LNX1: variants seen among roughly 807,000 people sequenced by gnomAD.
LNX1 encodes E3 ubiquitin-protein ligase LNX.
Under a neutral mutation model 68.4 loss-of-function variants are expected in LNX1, and 54 were observed. The observed-to-expected ratio is 0.79, with a 90% CI of 0.63 to 0.99. The LOEUF is 0.99. Among genes scored for constraint, LNX1 ranks in the 50% least tolerant of loss-of-function variants. The probability of loss-of-function intolerance (pLI) is 0.00; values close to 1 mark genes in which losing one functional copy is unlikely to be tolerated. For missense variants in LNX1, 906 were observed against 926.4 expected, an observed-to-expected ratio of 0.98 and a Z score of 0.29; for synonymous variants, 336 against 350.0, an observed-to-expected ratio of 0.96 and a Z score of 0.45.
intron 1 of LNX1, chr4:53,576,360 G>T: frequency 6.3e-7 from 1 of 1,599,684 alleles, no homozygotes; most frequent in Non-Finnish European, 8.5e-7. Context: ...ATCTGGAGAA[G>T]AGGTGTGAGG....
At chr4:53,510,875 C>A (rs1168841720) in intron 2 of LNX1, among the ~76,000 whole-genome samples, 3 of 152,194 alleles carry the variant, frequency 2.0e-5, no homozygotes, top group Admixed American at 6.5e-5. Context: ...GAGGACACAG[C>A]ATGTCCTAGT....
At chr4:53,468,556 T>C (rs544139757) in intron 9 of LNX1, among the ~76,000 whole-genome samples, 12 of 152,044 alleles carry the variant, frequency 7.9e-5, no homozygotes, top group Admixed American at 2.0e-4. Flanking sequence ...GCAAACTGGA[T>C]AAAGTCAAGA....
intron 1 of LNX1, among the ~76,000 whole-genome samples, chr4:53,630,902 T>C (rs763608857): frequency 6.6e-6 from 1 of 152,166 alleles, no homozygotes; most frequent in Non-Finnish European, 1.5e-5. Context: ...GCTTTTAGAA[T>C]TTGGGAAGGG....
chr4:53,524,933 T>C (rs1727502525), intron 2 of LNX1, among the ~76,000 whole-genome samples: 1 of 152,204 alleles, frequency 6.6e-6, no homozygotes, highest in African/African-American at 2.4e-5. Flanking sequence ...GGGTGCTTTC[T>C]TCTAATGTAC....
At chr4:53,584,706 T>C (rs531754086) in intron 1 of LNX1, among the ~76,000 whole-genome samples, 6 of 152,320 alleles carry the variant, frequency 3.9e-5, no homozygotes, top group African/African-American at 1.2e-4. Flanking sequence ...TTAGAAGTCA[T>C]AGGATTTTGA....
Position 53,573,771 on chromosome 4 carries a change from C to T in LNX1, c.232G>A (p.Asp78Asn), listed in dbSNP as rs757341002. The T allele has an allele frequency of 1.2e-6, 2 of 1,611,930 alleles. No individual in the cohort carries two copies. Among genetic ancestry groups the T allele is most frequent in the Non-Finnish European group, 1.7e-6 (2 of 1,179,056 alleles). ...FLVEKDFCPM[D>N]RKPLVLQHCK... is the part of the protein sequence containing the mutation. ...TGCTGCAGAACCAGAGGCTTGCGGT[C>T]CATGGGACAGAAGTCCTTCTCCACC... The change falls in exon 2 of 11, where the codon GAC (aspartate) becomes AAC (asparagine). Residue 78 changes from aspartate to asparagine, a missense_variant. Asp to Asn is a conservative substitution (Grantham distance 23, BLOSUM62 1). Transcript: ENST00000263925.
At chr4:53,564,688 A>C (rs371839280) in intron 2 of LNX1, among the ~76,000 whole-genome samples, 2 of 152,020 alleles carry the variant, frequency 1.3e-5, no homozygotes, top group South Asian at 2.1e-4. Context: ...TCCCAGCCTG[A>C]GCGACACAGA....
intron 2 of LNX1, chr4:53,558,096 A>G: frequency 6.7e-7 from 1 of 1,482,874 alleles, no homozygotes. Context: ...TTGACTGAGA[A>G]CCTTCAGATT....
intron 2 of LNX1, among the ~76,000 whole-genome samples, chr4:53,608,223 C>A (rs144331117): frequency 1.0e-3 from 152 of 152,222 alleles, no homozygotes; most frequent in African/African-American, 3.4e-3. Context: ...GTGCATCCTA[C>A]AAATGTCTAA....
rs1463702603 is a variant in LNX1, at chr4:53,492,551, C to T, written c.1350+3472G>A. Among the ~76,000 whole-genome samples, 3 of 24,458 alleles carry T rather than the reference C, an allele frequency of 1.2e-4. No individual in the cohort carries two copies. The South Asian group carries it at 2.6e-3, about 21-fold the overall frequency. 16.0% of individuals were successfully genotyped at this position (24,458 alleles called of 152,430 possible). A position where few individuals can be genotyped will look rare whatever the true frequency, so the allele number is the denominator to read the frequency against. On this transcript the variant is annotated intron_variant, in intron 6 of 10. Transcript: ENST00000263925. ...AGAGAGAGAGAGAGAGAGTGGCATC[C>T]TGACTGGAGTGGTTTGGTAAAGAGC...
Position 53,573,894 on chromosome 4 carries a change from C to T in LNX1, c.109G>A (p.Asp37Asn), listed in dbSNP as rs753854142. Residue 37 changes from aspartate (D) to asparagine (N), a missense_variant, in exon 2 of 11, where the codon GAT becomes AAT. Asp to Asn is a conservative substitution (Grantham distance 23). Transcript: ENST00000263925. ...HFYSYPEEVD[D>N]DLICHICLQA... The stretch of plus-strand genomic sequence containing the variant: ...AGGCAGATGTGGCAGATGAGGTCAT[C>T]ATCCACTTCCTCTGGATAGCTGTAG... The T allele has an allele frequency of 6.2e-7, 1 of 1,613,782 alleles. No individual in the cohort carries two copies. The highest frequency in any genetic ancestry group is 8.5e-7 in the Non-Finnish European group (1 of 1,179,820).
chr4:53,471,479 A>G (rs1723180096), intron 9 of LNX1, among the ~76,000 whole-genome samples: 1 of 152,220 alleles, frequency 6.6e-6, no homozygotes, highest in Non-Finnish European at 1.5e-5. Flanking sequence ...ACAAAAGCCA[A>G]AATTGACAAA....
intron 1 of LNX1, among the ~76,000 whole-genome samples, chr4:53,650,467 T>G (rs1735054383): frequency 6.6e-6 from 1 of 152,156 alleles, no homozygotes; most frequent in South Asian, 2.1e-4. Context: ...GGGAGCCGGC[T>G]TCTGATGAAT....
rs539431976 is a variant in LNX1, at chr4:53,504,240, G to A, written c.775+3077C>T. Among the ~76,000 whole-genome samples the A allele has an allele frequency of 1.1e-4, 16 of 152,348 alleles. No homozygotes were observed. In the South Asian group the frequency reaches 3.1e-3, roughly 30 times the overall value. On this transcript the variant is annotated intron_variant, in intron 4 of 10. Transcript: ENST00000263925. ...TTCTACAATCAGCATTTGCTGCTTCGTTACAATCAGCATCTGCTGCTTCGC... is the reference window on the plus strand; with the variant it reads ...TTCTACAATCAGCATTTGCTGCTTCATTACAATCAGCATCTGCTGCTTCGC...
At chr4:53,479,031 G>T (rs1723747479) in intron 7 of LNX1, among the ~76,000 whole-genome samples, 1 of 152,278 alleles carries the variant, frequency 6.6e-6, no homozygotes, top group Non-Finnish European at 1.5e-5. Context: ...AAAAATGGAG[G>T]AAGGAACCGA....
upstream of LNX1, among the ~76,000 whole-genome samples, chr4:53,619,782 T>A (rs191892327): frequency 6.6e-6 from 1 of 152,350 alleles, no homozygotes; most frequent in East Asian, 1.9e-4. Flanking sequence ...TTCGATGAAC[T>A]GTCAAACTGT....
chr4:53,526,426 T>C (rs371407184), intron 2 of LNX1, among the ~76,000 whole-genome samples: 26 of 151,496 alleles, frequency 1.7e-4, no homozygotes, highest in African/African-American at 5.8e-4. Flanking sequence ...AACCAACAAA[T>C]GCAACTTAGT....
intron 6 of LNX1, among the ~76,000 whole-genome samples, chr4:53,487,684 GC>G (rs1724402193): frequency 6.6e-6 from 1 of 152,056 alleles, no homozygotes; most frequent in African/African-American, 2.4e-5. Context: ...GATTGCGTGG[GC>G]CCCTTGTTAC....
intron 1 of LNX1, among the ~76,000 whole-genome samples, chr4:53,645,218 C>T (rs1413029285): frequency 6.6e-6 from 1 of 152,178 alleles, no homozygotes; most frequent in Admixed American, 6.5e-5. Context: ...AGGAAGGGCT[C>T]CTTTGGCAAG....
Sources: allele counts gnomAD v4.1 joint callset (sites outside exome capture counted in the v4.1 genomes callset), GRCh38; gene constraint gnomAD v4.1.1; transcripts MANE v1.5; gene names NCBI Gene and HGNC (gene_info 2026-07-23, HGNC 2026-07-21).